EPHA3: variants seen among roughly 807,000 people sequenced by gnomAD.
EPHA3 encodes ephrin type-A receptor 3.
EPHA3 carries 42 observed loss-of-function variants against 107.1 expected under a neutral mutation model. The observed-to-expected ratio is 0.39, with a 90% confidence interval of 0.31 to 0.51. EPHA3 has a LOEUF of 0.51. EPHA3 is among the 20% of genes least tolerant of loss of function. The pLI is 0.78. For synonymous variants in EPHA3, 461 were observed against 424.8 expected, an observed-to-expected ratio of 1.09 and a Z score of -1.05; for missense variants, 1,183 against 1,211.2, an observed-to-expected ratio of 0.98 and a Z score of 0.35.
intron 13 of EPHA3, among the ~76,000 whole-genome samples, chr3:89,443,927 G>C (rs1019448787): frequency 6.6e-6 from 1 of 152,078 alleles, no homozygotes; most frequent in Non-Finnish European, 1.5e-5. Flanking sequence ...AGGAAAAAAA[G>C]CCTCCCAAAA....
At chr3:89,428,962 G>T (rs1576373101) in intron 11 of EPHA3, 144 bp from the exon 12 acceptor site, 1 of 461,410 alleles carries the variant, frequency 2.2e-6, no homozygotes. Context: ...GAAACCTAGG[G>T]CTTTTTAAAA....
chr3:89,291,048 C>G (rs763205619), intron 3 of EPHA3, among the ~76,000 whole-genome samples: 1 of 152,062 alleles, frequency 6.6e-6, no homozygotes, highest in Non-Finnish European at 1.5e-5. Flanking sequence ...TCTTTATATA[C>G]CCTTTGTAGT....
chr3:89,208,368 G>GA lies in EPHA3; in HGVS notation c.154-1477dup, dbSNP rs68032279. Among the ~76,000 whole-genome samples the GA allele has an allele frequency of 4.4e-4, 40 of 90,296 alleles. 2 individuals are homozygous for GA. The highest frequency in any genetic ancestry group is 2.2e-3 in the East Asian group (7 of 3,162). The allele number at this position is 90,296 out of a possible 152,430, so 59.2% of individuals were successfully genotyped here. A position where few individuals can be genotyped will look rare whatever the true frequency, so the allele number is the denominator to read the frequency against. On this transcript the variant is annotated intron_variant, in intron 2 of 16. Transcript: ENST00000336596. ...CTGGGCGACAGGAGCAAGACTCTGT[G>GA]AAAAAAAAAAAAAAAGAAAAGAAAG...
At chr3:89,174,589 CA>C (rs1452407206) in intron 2 of EPHA3, among the ~76,000 whole-genome samples, 5 of 142,288 alleles carry the variant, frequency 3.5e-5, no homozygotes, top group African/African-American at 1.3e-4. Flanking sequence ...GCAAGTTCAT[CA>C]TTTTTTTAAG....
At chr3:89,365,723 C>A (rs77424397) in intron 5 of EPHA3, among the ~76,000 whole-genome samples, 5,608 of 150,654 alleles carry the variant, frequency 0.037, 369 homozygotes, top group South Asian at 0.064. Context: ...ACAATACCAA[C>A]AAGTAGAGAG....
At chr3:89,328,307 C>A (rs1353185660) in intron 3 of EPHA3, among the ~76,000 whole-genome samples, 1 of 152,094 alleles carries the variant, frequency 6.6e-6, no homozygotes, top group Non-Finnish European at 1.5e-5. Context: ...GATCCCCCCA[C>A]AAAATAATTC....
chr3:89,350,257 TCA>T (rs1707777601), intron 5 of EPHA3, among the ~76,000 whole-genome samples: 1 of 150,200 alleles, frequency 6.7e-6, no homozygotes, highest in Non-Finnish European at 1.5e-5. Flanking sequence ...GGTACACCAA[TCA>T]GACGTAGATT....
intron 7 of EPHA3, among the ~76,000 whole-genome samples, chr3:89,402,223 T>C (rs1353066887): frequency 6.6e-6 from 1 of 152,182 alleles, no homozygotes; most frequent in Non-Finnish European, 1.5e-5. Flanking sequence ...CTTCAGTGTC[T>C]GAGGTTTAGG....
At chr3:89,432,382 G>A (rs1559694438) in intron 13 of EPHA3, among the ~76,000 whole-genome samples, 2 of 151,824 alleles carry the variant, frequency 1.3e-5, no homozygotes, top group African/African-American at 4.8e-5. Context: ...GTTTTGTTTT[G>A]TGTTTGTTTT....
chr3:89,107,870 C>T (rs2106933018), intron 1 of EPHA3, 34 bp downstream of exon 1: 2 of 1,595,360 alleles, frequency 1.3e-6, no homozygotes, highest in East Asian at 4.5e-5. Context: ...GGAGCTCTGC[C>T]CCGCGGGGCT....
intron 2 of EPHA3, among the ~76,000 whole-genome samples, chr3:89,154,046 G>A (rs1432304534): frequency 6.6e-6 from 1 of 151,900 alleles, no homozygotes; most frequent in Non-Finnish European, 1.5e-5. Context: ...GAGGCCCCCC[G>A]ACATTTATTT....
intron 5 of EPHA3, among the ~76,000 whole-genome samples, chr3:89,348,510 T>C (rs1476679958): frequency 3.7e-5 from 5 of 134,088 alleles, no homozygotes; most frequent in Non-Finnish European, 6.3e-5. Flanking sequence ...CTCTCTTTTT[T>C]TCTTTATTAG....
chr3:89,317,325 G>T (rs1559644634), intron 3 of EPHA3, among the ~76,000 whole-genome samples: 1 of 151,804 alleles, frequency 6.6e-6, no homozygotes, highest in Non-Finnish European at 1.5e-5. Context: ...TGGAGCAGAT[G>T]CAAGATAGAT....
At chr3:89,399,715 G>T in intron 7 of EPHA3, 3 of 1,214,702 alleles carry the variant, frequency 2.5e-6, no homozygotes, top group African/African-American at 1.6e-5. Context: ...TCTAATGCCT[G>T]AAATGCTTCT....
intron 15 of EPHA3, among the ~76,000 whole-genome samples, chr3:89,472,016 A>G (rs1710412811): frequency 6.6e-6 from 1 of 152,142 alleles, no homozygotes; most frequent in Non-Finnish European, 1.5e-5. Context: ...TTTAGACAGC[A>G]ACCTGTGCAA....
intron 2 of EPHA3, among the ~76,000 whole-genome samples, chr3:89,174,333 A>G (rs779048592): frequency 1.3e-5 from 2 of 152,012 alleles, no homozygotes; most frequent in Non-Finnish European, 2.9e-5. Context: ...ATCCACGAGT[A>G]ATCTGAATAT....
At chr3:89,223,153 G>A (rs1236148760) in intron 3 of EPHA3, among the ~76,000 whole-genome samples, 1 of 152,122 alleles carries the variant, frequency 6.6e-6, no homozygotes, top group Non-Finnish European at 1.5e-5. Context: ...CAACATGTAT[G>A]CTGCTTTAAA....
chr3:89,220,342 G>A (rs1704343029), intron 3 of EPHA3, among the ~76,000 whole-genome samples: 1 of 152,098 alleles, frequency 6.6e-6, no homozygotes, highest in African/African-American at 2.4e-5. Context: ...GGCATATAAA[G>A]TCTTACTAAC....
chr3:89,475,080 GC>G (rs1190913683), intron 16 of EPHA3, among the ~76,000 whole-genome samples: 1 of 152,088 alleles, frequency 6.6e-6, no homozygotes, highest in Non-Finnish European at 1.5e-5. Context: ...GAAAGGAGCT[GC>G]TTTTTTCCTT....
Sources: allele counts gnomAD v4.1 joint callset (sites outside exome capture counted in the v4.1 genomes callset), GRCh38; gene constraint gnomAD v4.1.1; transcripts MANE v1.5; gene names NCBI Gene and HGNC (gene_info 2026-07-23, HGNC 2026-07-21).